The following LHFPL3 variants were observed in gnomAD, a reference collection of about 807,000 sequenced individuals.
LHFPL3 encodes LHFPL tetraspan subfamily member 3.
In LHFPL3, 5 loss-of-function variants were observed where a neutral mutation model predicts 19.3. The observed-to-expected ratio is 0.26, with a 90% CI of 0.14 to 0.54. The LOEUF (loss-of-function observed/expected upper bound fraction) is 0.54, where lower values mean the gene tolerates loss of function less well. Ranked by LOEUF, LHFPL3 falls within the 20% of genes least tolerant of loss-of-function variation. The probability of loss-of-function intolerance (pLI) is 0.94; values close to 1 mark genes in which losing one functional copy is unlikely to be tolerated. For synonymous variants in LHFPL3, 133 were observed against 126.2 expected (o/e 1.05, Z -0.36); for missense variants, 249 against 307.4 (o/e 0.81, Z 1.42).
chr7:104,457,208 T>C (rs1272302530), intron 1 of LHFPL3, among the ~76,000 whole-genome samples: 1 of 152,054 alleles, frequency 6.6e-6, no homozygotes, highest in African/African-American at 2.4e-5. Context: ...CATGCTGGTG[T>C]GCTGCATCCA....
At position 104,838,497 on chromosome 7, in the gene LHFPL3, A is replaced by G. The variant is rs189655361; in HGVS notation, c.683-67690A>G. 1.1e-3 allele frequency among the ~76,000 whole-genome samples: 160 copies of G among 152,310 alleles called. 2 individuals are homozygous for G. The South Asian group carries it at 0.015, about 14-fold the overall frequency. On this transcript the variant is annotated intron_variant, in intron 2 of 2. Coordinates refer to ENST00000424859, the MANE Select transcript of LHFPL3 (RefSeq NM_199000.3). ...TAAAGACACCCAGAATTCCAACTGT[A>G]TTGTTTATTAATTATTTTACAGATG...
intron 1 of LHFPL3, among the ~76,000 whole-genome samples, chr7:104,623,768 G>A (rs755093886): frequency 4.6e-5 from 7 of 152,218 alleles, no homozygotes; most frequent in Non-Finnish European, 8.8e-5. Context: ...GCCCACGGCT[G>A]CAGCTGAGCT....
At chr7:104,375,762 A>G (rs1790702551) in intron 1 of LHFPL3, among the ~76,000 whole-genome samples, 1 of 152,224 alleles carries the variant, frequency 6.6e-6, no homozygotes, top group South Asian at 2.1e-4. Context: ...TTACCTAACT[A>G]AAGGGTTTCT....
chr7:104,607,513 C>T (rs1791124971), intron 1 of LHFPL3, among the ~76,000 whole-genome samples: 1 of 152,144 alleles, frequency 6.6e-6, no homozygotes, highest in South Asian at 2.1e-4. Context: ...TTAATATTTC[C>T]TCTATAAGTC....
chr7:104,831,880 G>T (rs34439336), intron 2 of LHFPL3, among the ~76,000 whole-genome samples: 13,351 of 151,794 alleles, frequency 0.088, 1,402 homozygotes, highest in East Asian at 0.44. Flanking sequence ...TTGTTTTATC[G>T]GTAAATGGAG....
chr7:104,528,631 T>A (rs1315910249), intron 1 of LHFPL3, among the ~76,000 whole-genome samples: 1 of 152,168 alleles, frequency 6.6e-6, no homozygotes, highest in African/African-American at 2.4e-5. Context: ...GGCTAAATCA[T>A]GTTCAACAGA....
At chr7:104,686,475 AC>A (rs1792808102) in intron 1 of LHFPL3, among the ~76,000 whole-genome samples, 2 of 152,104 alleles carry the variant, frequency 1.3e-5, no homozygotes, top group African/African-American at 2.4e-5. Context: ...TGTTTTTTGT[AC>A]TCTCACTCAC....
rs539063295 is a variant in LHFPL3, at chr7:104,521,331, G to A, written c.445+192107G>A. Among the ~76,000 whole-genome samples, 10 of 152,206 alleles carry A rather than the reference G, an allele frequency of 6.6e-5. No homozygotes were observed. In the South Asian group the frequency reaches 1.9e-3, roughly 28 times the overall value. On this transcript the variant is annotated intron_variant, in intron 1 of 2. Transcript: ENST00000424859. ...TGAGAGATAGTTTGTTATAATTTCT[G>A]TTCTTTTACATTTGCTGAGGAGTGC...
chr7:104,677,362 T>C (rs1457294225), intron 1 of LHFPL3, among the ~76,000 whole-genome samples: 1 of 115,078 alleles, frequency 8.7e-6, no homozygotes, highest in Non-Finnish European at 2.0e-5. Flanking sequence ...GACCCAGTCT[T>C]CTTAAAAAAA....
chr7:104,564,900 T>C (rs1372800104), intron 1 of LHFPL3, among the ~76,000 whole-genome samples: 1 of 152,092 alleles, frequency 6.6e-6, no homozygotes, highest in Non-Finnish European at 1.5e-5. Context: ...AGTGCTAGAG[T>C]AGAGACTTAG....
chr7:104,594,989 C>T (rs1254356696), intron 1 of LHFPL3, among the ~76,000 whole-genome samples: 1 of 152,212 alleles, frequency 6.6e-6, no homozygotes, highest in African/African-American at 2.4e-5. Context: ...CAAACGTCCT[C>T]TTTTAGCTCG....
intron 1 of LHFPL3, among the ~76,000 whole-genome samples, chr7:104,686,429 G>A (rs931498971): frequency 6.6e-6 from 1 of 152,128 alleles, no homozygotes; most frequent in South Asian, 2.1e-4. Context: ...AGATGTGAAG[G>A]GCTTTGTGGT....
intron 1 of LHFPL3, among the ~76,000 whole-genome samples, chr7:104,557,745 G>A (rs1380730253): frequency 6.6e-6 from 1 of 151,244 alleles, no homozygotes; most frequent in Non-Finnish European, 1.5e-5. Flanking sequence ...AGTTACATAT[G>A]TATACATGTG....
At chr7:104,357,364 A>G (rs1433001250) in intron 1 of LHFPL3, among the ~76,000 whole-genome samples, 2 of 152,182 alleles carry the variant, frequency 1.3e-5, no homozygotes, top group African/African-American at 4.8e-5. Context: ...CAGGATACAG[A>G]TAGAGTCAGG....
intron 1 of LHFPL3, among the ~76,000 whole-genome samples, chr7:104,657,532 A>G (rs1000034481): frequency 3.3e-5 from 5 of 152,226 alleles, no homozygotes; most frequent in African/African-American, 9.6e-5. Context: ...GTAGAGATTG[A>G]ATCCTCACAG....
At chr7:104,371,835 C>A (rs1790622470) in intron 1 of LHFPL3, among the ~76,000 whole-genome samples, 1 of 152,150 alleles carries the variant, frequency 6.6e-6, no homozygotes, top group African/African-American at 2.4e-5. Flanking sequence ...ATGCACATAG[C>A]ATAGGAGTGT....
chr7:104,627,705 T>C (rs1791571850), intron 1 of LHFPL3, among the ~76,000 whole-genome samples: 2 of 152,188 alleles, frequency 1.3e-5, no homozygotes, highest in Non-Finnish European at 2.9e-5. Flanking sequence ...TGAATGAGTC[T>C]CTGTATAACA....
At chr7:104,564,229 A>G (rs73409745) in intron 1 of LHFPL3, among the ~76,000 whole-genome samples, 16,784 of 152,172 alleles carry the variant, frequency 0.11, 1,954 homozygotes, top group African/African-American at 0.3. Flanking sequence ...TATGGGTTCT[A>G]TTACCACTGC....
At chr7:104,859,393 G>T (rs1791571675) in intron 2 of LHFPL3, among the ~76,000 whole-genome samples, 1 of 152,102 alleles carries the variant, frequency 6.6e-6, no homozygotes, top group Admixed American at 6.5e-5. Flanking sequence ...AGTAGGCCAG[G>T]CATGGTGGCT....
Sources: gnomAD v4.1 joint callset for allele counts (sites outside exome capture counted in the v4.1 genomes callset) on GRCh38, gnomAD v4.1.1 for gene constraint, MANE v1.5 for transcripts, NCBI Gene and HGNC (gene_info 2026-07-23, HGNC 2026-07-21) for gene names.